Variants in BCL2L14 observed in about 807,000 individuals in gnomAD.
BCL2L14 encodes BCL2 like 14.
Under a neutral mutation model 35.3 loss-of-function variants are expected in BCL2L14, and 27 were observed. The observed-to-expected ratio is 0.76, with a 90% confidence interval of 0.56 to 1.05. BCL2L14 has a LOEUF of 1.05. Among genes scored for constraint, BCL2L14 ranks in the 50% least tolerant of loss-of-function variants. The pLI is 0.00. For synonymous variants in BCL2L14, 139 were observed against 145.9 expected (o/e 0.95, Z 0.34); for missense variants, 377 against 382.6 (o/e 0.99, Z 0.12).
Position 12,053,452 on chromosome 12 carries a change from C to G in BCL2L14, c.-272+1605C>G, listed in dbSNP as rs538783011. Among the ~76,000 whole-genome samples, 183 of 148,884 alleles carry G rather than the reference C, an allele frequency of 1.2e-3. 1 individual carries two copies. Among genetic ancestry groups the G allele is most frequent in the African/African-American group, 4.3e-3 (173 of 40,278 alleles). ...TTTTTTTTTTTGAGACGAAGTTTCA[C>G]TCTTGTTGCCCAGGCTGGAGTGCAA... On this transcript the variant is annotated intron_variant, in intron 2 of 3. Transcript: ENST00000461264.
At chr12:12,067,008 T>C (rs1948602333), upstream of BCL2L14, among the ~76,000 whole-genome samples, 1 of 152,048 alleles carries the variant, frequency 6.6e-6, no homozygotes, top group Admixed American at 6.6e-5. Context: ...CCGCACCTGG[T>C]GACAAACAAA....
intron 3 of BCL2L14, among the ~76,000 whole-genome samples, chr12:12,090,161 C>G (rs1307353806): frequency 6.6e-6 from 1 of 152,122 alleles, no homozygotes; most frequent in Admixed American, 6.5e-5. Context: ...TGCTGTGAAA[C>G]CGATGTCTTC....
At chr12:12,061,392 G>C (rs190268212) in intron 2 of BCL2L14, among the ~76,000 whole-genome samples, 3 of 151,570 alleles carry the variant, frequency 2.0e-5, no homozygotes, top group Admixed American at 2.0e-4. Flanking sequence ...CCCACAGCAC[G>C]CTTTAAAAGG....
chr12:12,070,422 C>T (rs186202965), upstream of BCL2L14, among the ~76,000 whole-genome samples: 13 of 152,328 alleles, frequency 8.5e-5, no homozygotes, highest in Admixed American at 6.5e-4. Context: ...CAGTGGCTTA[C>T]GCCTGTAATC....
At chr12:12,064,278 G>A (rs1948567550) in intron 2 of BCL2L14, among the ~76,000 whole-genome samples, 1 of 150,930 alleles carries the variant, frequency 6.6e-6, no homozygotes. Context: ...CAGGCATGCA[G>A]TACCATACCT....
intron 1 of BCL2L14, among the ~76,000 whole-genome samples, chr12:12,076,423 G>C (rs146309744): frequency 3.4e-4 from 52 of 152,280 alleles, no homozygotes; most frequent in African/African-American, 1.2e-3. Flanking sequence ...ACAGGAATGT[G>C]AAGAAACAGC....
rs202153887 is a variant in BCL2L14 at position 12,076,448 on chromosome 12, G to A, written c.-7-2851G>A. 2.0e-5 allele frequency among the ~76,000 whole-genome samples: 3 copies of A among 152,176 alleles called. No individual in the cohort carries two copies. The East Asian group carries it at 5.8e-4, about 29-fold the overall frequency. The stretch of plus-strand genomic sequence containing the variant: ...GAAGAAACAGCAGAGGAGGAGGAAG[G>A]ATTGCAGTCATGACCCCCACTTCAT... On this transcript the variant is annotated intron_variant, in intron 1 of 5. Transcript: ENST00000308721.
intron 2 of BCL2L14, among the ~76,000 whole-genome samples, chr12:12,081,808 T>G (rs1333899667): frequency 2.0e-5 from 3 of 152,120 alleles, no homozygotes; most frequent in Non-Finnish European, 4.4e-5. Flanking sequence ...CTGCCCACCT[T>G]GGGCTCCCGA....
upstream of BCL2L14, among the ~76,000 whole-genome samples, chr12:12,067,282 G>A (rs921691959): frequency 2.0e-5 from 3 of 152,182 alleles, no homozygotes; most frequent in African/African-American, 7.2e-5. Flanking sequence ...GGACGTGGTG[G>A]CTCACACCTG....
At chr12:12,084,001 T>C (rs1329695087) in intron 2 of BCL2L14, among the ~76,000 whole-genome samples, 1 of 152,176 alleles carries the variant, frequency 6.6e-6, no homozygotes, top group Non-Finnish European at 1.5e-5. Flanking sequence ...AGTCACCTTA[T>C]ATTCTAAAGG....
chr12:12,064,587 T>G (rs1236785804), intron 2 of BCL2L14, among the ~76,000 whole-genome samples: 1 of 152,232 alleles, frequency 6.6e-6, no homozygotes, highest in Non-Finnish European at 1.5e-5. Flanking sequence ...CATGCCTATC[T>G]TTACTCTAAA....
At chr12:12,084,795 C>T (rs16907705) in intron 2 of BCL2L14, among the ~76,000 whole-genome samples, 89,925 of 151,982 alleles carry the variant, frequency 0.59, 27,161 homozygotes, top group East Asian at 0.74. Flanking sequence ...CACAAACCCA[C>T]AGAAATCAAT....
intron 2 of BCL2L14, among the ~76,000 whole-genome samples, chr12:12,063,503 A>G (rs896890626): frequency 4.6e-5 from 7 of 150,794 alleles, no homozygotes; most frequent in African/African-American, 1.7e-4. Context: ...CCTTACCACA[A>G]AATCTTCCTT....
chr12:12,057,629 T>A (rs1208999428), intron 2 of BCL2L14, among the ~76,000 whole-genome samples: 1 of 151,902 alleles, frequency 6.6e-6, no homozygotes, highest in African/African-American at 2.4e-5. Context: ...TGGTGACACA[T>A]GCCTGTAATC....
At chr12:12,093,748 G>A (rs1228397784) in intron 4 of BCL2L14, among the ~76,000 whole-genome samples, 12 of 141,912 alleles carry the variant, frequency 8.5e-5, no homozygotes, top group Middle Eastern at 4.3e-3. Context: ...AGCTGAGATC[G>A]CGCCTCTGCA....
rs766557617 is a variant in BCL2L14 at position 12,098,932 on chromosome 12, C to G, written c.946-18C>G. ...TAAATCTAACTTGGAATTTTAAGAA[C>G]CTATTTTTCCCCTCTAGGAAAAAAT... On this transcript the variant is annotated intron_variant, in intron 5 of 5. Transcript: ENST00000308721. The G allele has an allele frequency of 3.9e-6, 6 of 1,553,212 alleles. No homozygotes were observed. The highest frequency in any genetic ancestry group is 3.3e-5 in the Admixed American group (2 of 59,890).
At chr12:12,070,750 T>C (rs76431378), upstream of BCL2L14, among the ~76,000 whole-genome samples, 515 of 152,084 alleles carry the variant, frequency 3.4e-3, 5 homozygotes, top group African/African-American at 0.012. Flanking sequence ...TTTGTTTAAC[T>C]AACAACTGAT....
chr12:12,072,159 T>C (rs1196986788), intron 1 of BCL2L14: 3 of 152,228 alleles, frequency 2.0e-5, no homozygotes, highest in African/African-American at 4.8e-5. Flanking sequence ...CACTGGGTGG[T>C]GGCCGCCTCT....
At chr12:12,086,582 GC>G (rs1851926598) in intron 2 of BCL2L14, among the ~76,000 whole-genome samples, 1 of 152,214 alleles carries the variant, frequency 6.6e-6, no homozygotes, top group Non-Finnish European at 1.5e-5. Context: ...ATTCTTGAAG[GC>G]CGTAAGTTGT....
Sources: allele counts gnomAD v4.1 joint callset (sites outside exome capture counted in the v4.1 genomes callset), GRCh38; gene constraint gnomAD v4.1.1; transcripts MANE v1.5; gene names NCBI Gene and HGNC (gene_info 2026-07-23, HGNC 2026-07-21).